The following TBC1D32 variants were observed in gnomAD, a reference collection of about 807,000 sequenced individuals.
TBC1D32 encodes TBC1 domain family member 32.
In TBC1D32, 151 loss-of-function variants were observed where a neutral mutation model predicts 170.3. The ratio of observed to expected loss-of-function variants is 0.89; its 90% CI spans 0.78 to 1.01. The LOEUF is 1.01. Ranked by LOEUF, TBC1D32 falls within the 50% of genes least tolerant of loss-of-function variation. The probability of loss-of-function intolerance (pLI) is 0.00; values close to 1 mark genes in which losing one functional copy is unlikely to be tolerated. For synonymous variants in TBC1D32, 498 were observed against 488.0 expected, an observed-to-expected ratio of 1.02 and a Z score of -0.27; for missense variants, 1,464 against 1,457.1, an observed-to-expected ratio of 1.00 and a Z score of -0.08.
intron 19 of TBC1D32, among the ~76,000 whole-genome samples, chr6:121,239,688 G>T (rs896646872): frequency 2.6e-5 from 4 of 151,958 alleles, no homozygotes; most frequent in Non-Finnish European, 5.9e-5. Context: ...ACACTAAGAA[G>T]AATTCTGCAT....
intron 22 of TBC1D32, among the ~76,000 whole-genome samples, chr6:121,171,008 T>C (rs1786904108): frequency 6.6e-6 from 1 of 152,028 alleles, no homozygotes; most frequent in African/African-American, 2.4e-5. Flanking sequence ...CCCACTTATC[T>C]ATCTTAATAT....
intron 22 of TBC1D32, among the ~76,000 whole-genome samples, chr6:121,172,102 T>C (rs1229376949): frequency 6.6e-6 from 1 of 152,068 alleles, no homozygotes; most frequent in Non-Finnish European, 1.5e-5. Context: ...GTTCATGATA[T>C]ATATATATTC....
intron 12 of TBC1D32, among the ~76,000 whole-genome samples, chr6:121,286,736 A>G (rs538376550): frequency 3.9e-5 from 6 of 152,174 alleles, no homozygotes; most frequent in African/African-American, 1.4e-4. Flanking sequence ...GAAAAAATGT[A>G]AAGGGCAGCC....
intron 27 of TBC1D32, 60 bp downstream of exon 27, chr6:121,115,112 T>C (rs1779562943): frequency 7.5e-7 from 1 of 1,325,146 alleles, no homozygotes; most frequent in Non-Finnish European, 1.0e-6. Flanking sequence ...ACTGAGCACA[T>C]ATGAGGCAGA....
At position 121,303,475 on chromosome 6, in the gene TBC1D32, C is replaced by T. The variant is rs557263315; in HGVS notation, c.1080+142G>A. On this transcript the variant is annotated intron_variant, in intron 9 of 31. Transcript: ENST00000398212. Reference sequence around the variant, plus strand: ...ATGGGGGTATTAATACCACCAACCTCGTAAAGTTTTATAAGAAATAAATGA... The same window carrying T: ...ATGGGGGTATTAATACCACCAACCTTGTAAAGTTTTATAAGAAATAAATGA... The T allele has an allele frequency of 1.8e-4, 125 of 684,600 alleles. 2 individuals carry two copies. The African/African-American group carries it at 1.9e-3, about 10-fold the overall frequency. The allele number at this position is 684,600 out of a possible 1,614,324, so 42.4% of individuals were successfully genotyped here. A position where few individuals can be genotyped will look rare whatever the true frequency, so the allele number is the denominator to read the frequency against.
rs766895595 is a variant in TBC1D32 at position 121,299,450 on chromosome 6, G to A, written c.1136C>T (p.Ser379Phe). 2.0e-6 allele frequency: 3 copies of A among 1,503,802 alleles called. No individual in the cohort carries two copies. Among genetic ancestry groups the A allele is most frequent in the African/African-American group, 1.4e-5 (1 of 73,158 alleles). 93.2% of individuals were successfully genotyped at this position (1,503,802 alleles called of 1,614,324 possible). A position where few individuals can be genotyped will look rare whatever the true frequency, so the allele number is the denominator to read the frequency against. The change falls in exon 10 of 32, where the codon TCT (serine) becomes TTT (phenylalanine). Residue 379 changes from serine (S) to phenylalanine (F), a missense_variant. Physicochemically the swap from Ser to Phe is radical, Grantham distance 155. Transcript: ENST00000398212. Reference protein sequence around the residue: ...VLRLLETKYKSLVTTAIQQCV... With the variant: ...VLRLLETKYKFLVTTAIQQCV... ...AAAACAGAATTACAGACTTACCAGAGACTTATATTTCGTTTCAAGAAGTCT... is the reference window on the plus strand; with the variant it reads ...AAAACAGAATTACAGACTTACCAGAAACTTATATTTCGTTTCAAGAAGTCT...
chr6:121,130,488 T>A (rs1273731), intron 25 of TBC1D32, among the ~76,000 whole-genome samples: 41,266 of 151,862 alleles, frequency 0.27, 8,517 homozygotes, highest in African/African-American at 0.57. Flanking sequence ...TCTCAAAAAC[T>A]AAACAAAGTA....
At chr6:121,330,283 C>T (rs995758781) in intron 1 of TBC1D32, among the ~76,000 whole-genome samples, 3 of 152,118 alleles carry the variant, frequency 2.0e-5, no homozygotes, top group Non-Finnish European at 2.9e-5. Flanking sequence ...ATCTGCCCAC[C>T]TCGACTTCTC....
intron 15 of TBC1D32, among the ~76,000 whole-genome samples, chr6:121,265,818 T>C (rs1447199790): frequency 6.6e-6 from 1 of 151,932 alleles, no homozygotes; most frequent in Non-Finnish European, 1.5e-5. Flanking sequence ...AAACAAGCAA[T>C]GAAGAAAGGA....
At chr6:121,185,091 C>T (rs956369975) in intron 22 of TBC1D32, among the ~76,000 whole-genome samples, 4 of 151,784 alleles carry the variant, frequency 2.6e-5, no homozygotes, top group African/African-American at 9.7e-5. Flanking sequence ...TCTAGACCAA[C>T]CATTAGCAAT....
chr6:121,277,760 T>C (rs1802428414), intron 15 of TBC1D32, among the ~76,000 whole-genome samples: 1 of 150,356 alleles, frequency 6.7e-6, no homozygotes, highest in Admixed American at 6.6e-5. Context: ...AATAAAAAAT[T>C]AGAAGAGAAA....
chr6:121,101,469 T>C (rs966917588), intron 30 of TBC1D32, among the ~76,000 whole-genome samples: 4 of 151,936 alleles, frequency 2.6e-5, no homozygotes, highest in East Asian at 1.9e-4. Flanking sequence ...TCACATAAAC[T>C]GAACCAAAGA....
At chr6:121,253,596 G>T (rs1158613242) in intron 17 of TBC1D32, among the ~76,000 whole-genome samples, 1 of 152,066 alleles carries the variant, frequency 6.6e-6, no homozygotes, top group Admixed American at 6.5e-5. Flanking sequence ...GTGGGCGCCT[G>T]TAGTCCCAGC....
intron 1 of TBC1D32, among the ~76,000 whole-genome samples, chr6:121,325,074 TG>T (rs1368193427): frequency 6.6e-6 from 1 of 152,066 alleles, no homozygotes; most frequent in Non-Finnish European, 1.5e-5. Flanking sequence ...TAGCTGGGCA[TG>T]GTGGCACATG....
intron 20 of TBC1D32, among the ~76,000 whole-genome samples, chr6:121,231,583 AT>A (rs960302857): frequency 2.7e-5 from 4 of 149,640 alleles, no homozygotes; most frequent in Non-Finnish European, 4.5e-5. Flanking sequence ...GCCAACATCT[AT>A]TTTTTTTTCA....
intron 17 of TBC1D32, among the ~76,000 whole-genome samples, chr6:121,245,141 A>T (rs995055611): frequency 6.6e-6 from 1 of 152,228 alleles, no homozygotes; most frequent in Non-Finnish European, 1.5e-5. Flanking sequence ...TCCACATGAC[A>T]AATCACTACA....
At chr6:121,285,464 C>T (rs796294226) in intron 12 of TBC1D32, among the ~76,000 whole-genome samples, 2 of 152,232 alleles carry the variant, frequency 1.3e-5, no homozygotes, top group African/African-American at 4.8e-5. Context: ...GGGATCTAAG[C>T]ATGTAACCAC....
At chr6:121,285,825 T>C (rs898155347) in intron 12 of TBC1D32, among the ~76,000 whole-genome samples, 1 of 152,186 alleles carries the variant, frequency 6.6e-6, no homozygotes, top group Non-Finnish European at 1.5e-5. Flanking sequence ...ACATCTGCTG[T>C]TCACCAATAT....
At chr6:121,129,346 A>G (rs1027430731) in intron 25 of TBC1D32, among the ~76,000 whole-genome samples, 2 of 152,190 alleles carry the variant, frequency 1.3e-5, no homozygotes, top group African/African-American at 2.4e-5. Flanking sequence ...TATTCTGAGC[A>G]CATTTAAGCT....
Sources: gnomAD v4.1 joint callset for allele counts (sites outside exome capture counted in the v4.1 genomes callset) on GRCh38, gnomAD v4.1.1 for gene constraint, MANE v1.5 for transcripts, NCBI Gene and HGNC (gene_info 2026-07-23, HGNC 2026-07-21) for gene names.